GSTA1: variants seen among roughly 807,000 people sequenced by gnomAD.
GSTA1 encodes glutathione S-transferase A1.
A neutral mutation model predicts 21.5 loss-of-function variants in GSTA1; 23 were observed. The ratio of observed to expected loss-of-function variants is 1.07; its 90% CI spans 0.77 to 1.52. The LOEUF (loss-of-function observed/expected upper bound fraction) is 1.52. GSTA1 is among the 40% of genes most tolerant of loss of function. The probability of loss-of-function intolerance (pLI) is 0.00; values close to 1 mark genes in which losing one functional copy is unlikely to be tolerated. For synonymous variants in GSTA1, 125 were observed against 90.0 expected (o/e 1.39, Z -2.20); for missense variants, 301 against 264.2 (o/e 1.14, Z -0.96).
intron 1 of GSTA1, among the ~76,000 whole-genome samples, chr6:52,802,430 T>C (rs193247579): frequency 2.6e-5 from 4 of 152,316 alleles, no homozygotes; most frequent in Non-Finnish European, 4.4e-5. Context: ...AGATAGTTAT[T>C]TCTACTTTTG....
chr6:52,794,278 A>G lies in GSTA1; in HGVS notation c.273-12T>C. The G allele has an allele frequency of 6.2e-7, 1 of 1,606,230 alleles. No homozygotes were observed. Among genetic ancestry groups the G allele is most frequent in the Non-Finnish European group, 8.5e-7 (1 of 1,175,826 alleles). On this transcript the variant is annotated splice_polypyrimidine_tract_variant and intron_variant, in intron 4 of 6. Transcript: ENST00000334575. Reference sequence around the variant, plus strand: ...TATACATATCAATCCTGAAAGACAGAAACAACCAAATGGTCAAATACCTTT... The same window carrying G: ...TATACATATCAATCCTGAAAGACAGGAACAACCAAATGGTCAAATACCTTT...
At chr6:52,796,455 CTATATATATATATATATA>C (rs70977384) in intron 3 of GSTA1, 141 bp from the exon 4 acceptor site, 8,426 of 250,142 alleles carry the variant, frequency 0.034, 775 homozygotes, top group Non-Finnish European at 0.042. Flanking sequence ...GAAACAAAAA[CTATATATATATATATATA>C]TATATATATA....
chr6:52,802,719 C>G (rs1435689126), intron 1 of GSTA1, among the ~76,000 whole-genome samples: 8 of 152,100 alleles, frequency 5.3e-5, no homozygotes, highest in Non-Finnish European at 1.2e-4. Context: ...TGTAATCTGT[C>G]TCTTCATCAT....
intron 3 of GSTA1, among the ~76,000 whole-genome samples, 175 bp from the exon 4 acceptor site, chr6:52,796,489 A>ATATATGTG (rs1763589125): frequency 1.5e-4 from 2 of 13,082 alleles, no homozygotes; most frequent in African/African-American, 8.7e-4. Flanking sequence ...ATATATATAT[A>ATATATGTG]TGTGTGTGTG....
intron 1 of GSTA1, 58 bp from the exon 2 acceptor site, chr6:52,799,355 A>G: frequency 1.7e-6 from 2 of 1,201,074 alleles, no homozygotes; most frequent in Non-Finnish European, 2.4e-6. Context: ...AATGTACTTT[A>G]GGATATGTAG....
intron 3 of GSTA1, among the ~76,000 whole-genome samples, chr6:52,797,276 C>T (rs1412386423): frequency 6.6e-6 from 1 of 152,134 alleles, no homozygotes; most frequent in Non-Finnish European, 1.5e-5. Context: ...ATGGGGAGGG[C>T]TGTATGGGAT....
intron 4 of GSTA1, among the ~76,000 whole-genome samples, chr6:52,795,256 T>C (rs1393262593): frequency 2.0e-5 from 3 of 152,152 alleles, no homozygotes; most frequent in Non-Finnish European, 2.9e-5. Context: ...TTATGTAACA[T>C]GTCTTATGGC....
chr6:52,798,165 T>A (rs1763633682), intron 2 of GSTA1, among the ~76,000 whole-genome samples: 1 of 152,212 alleles, frequency 6.6e-6, no homozygotes, highest in Non-Finnish European at 1.5e-5. Context: ...GCAACTGTAA[T>A]TTTCTCTTCT....
intron 4 of GSTA1, among the ~76,000 whole-genome samples, chr6:52,795,338 A>T (rs1303640511): frequency 6.6e-6 from 1 of 152,202 alleles, no homozygotes; most frequent in Non-Finnish European, 1.5e-5. Flanking sequence ...TGCATGGCTA[A>T]GGCACATTTT....
chr6:52,792,144 G>T (rs1160359511), intron 6 of GSTA1, among the ~76,000 whole-genome samples, 164 bp from the exon 7 acceptor site: 3 of 152,316 alleles, frequency 2.0e-5, no homozygotes, highest in Non-Finnish European at 4.4e-5. Context: ...AAGATAAGGG[G>T]AAGGACATGT....
At chr6:52,795,523 G>C (rs187716496) in intron 4 of GSTA1, among the ~76,000 whole-genome samples, 1 of 152,150 alleles carries the variant, frequency 6.6e-6, no homozygotes, top group African/African-American at 2.4e-5. Flanking sequence ...CTATATTAAA[G>C]TTTTTGAGGA....
At chr6:52,799,859 G>C (rs769963550) in intron 1 of GSTA1, among the ~76,000 whole-genome samples, 37 of 152,176 alleles carry the variant, frequency 2.4e-4, no homozygotes, top group Non-Finnish European at 4.3e-4. Context: ...CCATGAACTG[G>C]CCATGAAACC....
At chr6:52,794,920 A>C (rs1346899306) in intron 4 of GSTA1, among the ~76,000 whole-genome samples, 1 of 152,186 alleles carries the variant, frequency 6.6e-6, no homozygotes, top group Non-Finnish European at 1.5e-5. Context: ...TTTTGTGTCA[A>C]ACTGGAGTTT....
intron 1 of GSTA1, among the ~76,000 whole-genome samples, chr6:52,802,122 T>A (rs1385312831): frequency 6.6e-6 from 1 of 152,152 alleles, no homozygotes; most frequent in Non-Finnish European, 1.5e-5. Flanking sequence ...AAACTGTGAC[T>A]TTCTCTGATT....
At chr6:52,799,044 T>A in intron 2 of GSTA1, 137 bp downstream of exon 2, 1 of 796,028 alleles carries the variant, frequency 1.3e-6, no homozygotes, top group East Asian at 2.6e-5. Context: ...TCAAATCTGT[T>A]CATCTTTTTC....
At chr6:52,792,769 G>T (rs1561910111) in intron 6 of GSTA1, 87 bp downstream of exon 6, 4 of 1,611,130 alleles carry the variant, frequency 2.5e-6, no homozygotes, top group Non-Finnish European at 3.4e-6. Context: ...GAAGACTGGG[G>T]CAAAACTTGG....
At chr6:52,798,384 G>A (rs1763637179) in intron 2 of GSTA1, among the ~76,000 whole-genome samples, 1 of 127,834 alleles carries the variant, frequency 7.8e-6, no homozygotes, top group South Asian at 3.0e-4. Flanking sequence ...CCCCAGGGCA[G>A]GGACTGTGTC....
At chr6:52,793,029 C>T (rs1244759611) in intron 5 of GSTA1, 42 bp from the exon 6 acceptor site, 1 of 1,613,454 alleles carries the variant, frequency 6.2e-7, no homozygotes, top group Non-Finnish European at 8.5e-7. Context: ...CATGCACACC[C>T]AGGCTAGGAC....
intron 1 of GSTA1, among the ~76,000 whole-genome samples, chr6:52,801,374 A>G (rs534752707): frequency 1.8e-4 from 27 of 152,334 alleles, no homozygotes; most frequent in Non-Finnish European, 2.8e-4. Flanking sequence ...TAACTCCAGG[A>G]GCAATTTAAA....
Sources: allele counts gnomAD v4.1 joint callset (sites outside exome capture counted in the v4.1 genomes callset), GRCh38; gene constraint gnomAD v4.1.1; transcripts MANE v1.5; gene names NCBI Gene and HGNC (gene_info 2026-07-23, HGNC 2026-07-21).